The following PLCG2 variants were observed in gnomAD, a reference collection of about 807,000 sequenced individuals.
PLCG2 encodes the protein 1-phosphatidylinositol 4,5-bisphosphate phosphodiesterase gamma-2.
In PLCG2, 69 loss-of-function variants were observed where a neutral mutation model predicts 175.6. The observed-to-expected ratio is 0.39, with a 90% confidence interval of 0.32 to 0.48. The LOEUF (loss-of-function observed/expected upper bound fraction) is 0.48, where lower values mean the gene tolerates loss of function less well. Ranked by LOEUF, PLCG2 falls within the 20% of genes least tolerant of loss-of-function variation. The pLI is 0.91. For missense variants in PLCG2, 1,798 were observed against 1,650.9 expected, an observed-to-expected ratio of 1.09 and a Z score of -1.54; for synonymous variants, 827 against 624.0, an observed-to-expected ratio of 1.33 and a Z score of -4.85.
intron 7 of PLCG2, among the ~76,000 whole-genome samples, chr16:81,872,073 AAC>A (rs1191976383): frequency 6.6e-6 from 1 of 152,194 alleles, no homozygotes; most frequent in African/African-American, 2.4e-5. Flanking sequence ...TGACGCCTGT[AAC>A]CCCAGCACTT....
chr16:81,828,155 C>T (rs1350821277), intron 2 of PLCG2, among the ~76,000 whole-genome samples: 1 of 150,842 alleles, frequency 6.6e-6, no homozygotes, highest in South Asian at 2.1e-4. Flanking sequence ...TGATCTTCAC[C>T]TGACAAAACA....
chr16:81,772,003 A>T (rs1290308041), intron 2 of PLCG2, among the ~76,000 whole-genome samples: 6 of 152,074 alleles, frequency 3.9e-5, no homozygotes, highest in African/African-American at 1.4e-4. Flanking sequence ...GGCTGGTCTT[A>T]AACTCCTGGC....
At chr16:81,913,302 G>T (rs117704063) in intron 19 of PLCG2, among the ~76,000 whole-genome samples, 57 of 152,342 alleles carry the variant, frequency 3.7e-4, no homozygotes, top group Admixed American at 1.3e-3. Flanking sequence ...TCTTACGGTG[G>T]TAACAGTCTG....
chr16:81,840,260 C>T (rs1234958762), intron 2 of PLCG2, among the ~76,000 whole-genome samples: 1 of 152,182 alleles, frequency 6.6e-6, no homozygotes, highest in Non-Finnish European at 1.5e-5. Context: ...GCTGCCCACC[C>T]TGTCATGGCC....
At position 81,946,037 on chromosome 16, in the gene PLCG2, C is replaced by G. The variant is rs114951604; in HGVS notation, c.3482-138C>G. ...ATCAGGATAGGACCTCTGGCTTCCA[C>G]AAAGTCAGCCCCCAGCATGGGGCAC... On this transcript the variant is annotated intron_variant, in intron 30 of 32. Coordinates refer to ENST00000564138, the MANE Select transcript of PLCG2 (RefSeq NM_002661.5). 8.9e-4 allele frequency: 617 copies of G among 691,482 alleles called. 2 individuals are homozygous for G. In the African/African-American group the frequency reaches 0.01, roughly 12 times the overall value. The allele number at this position is 691,482 out of a possible 1,614,324, so 42.8% of individuals were successfully genotyped here.
chr16:81,808,575 C>T (rs968027316), intron 2 of PLCG2, among the ~76,000 whole-genome samples: 3 of 152,110 alleles, frequency 2.0e-5, no homozygotes, highest in African/African-American at 7.2e-5. Context: ...CTCGCTACAA[C>T]CTCCGCCTCC....
intron 1 of PLCG2, among the ~76,000 whole-genome samples, chr16:81,741,574 C>A (rs997326875): frequency 6.6e-6 from 1 of 152,294 alleles, no homozygotes; most frequent in Non-Finnish European, 1.5e-5. Context: ...CTTTGGGAGG[C>A]CAAGGCGGGC....
intron 2 of PLCG2, among the ~76,000 whole-genome samples, chr16:81,812,043 CTTTTT>C (rs539108021): frequency 1.0e-4 from 9 of 90,332 alleles, no homozygotes; most frequent in African/African-American, 3.7e-4. Context: ...TGTTTCCTGA[CTTTTT>C]TTTTTTTTTT....
intron 20 of PLCG2, 145 bp downstream of exon 20, chr16:81,919,809 A>G: frequency 1.5e-6 from 1 of 657,966 alleles, no homozygotes; most frequent in Non-Finnish European, 2.6e-6. Context: ...AGCACAACAA[A>G]GACCCTGCCG....
chr16:81,840,929 G>A (rs1277544446), intron 2 of PLCG2, among the ~76,000 whole-genome samples: 3 of 152,306 alleles, frequency 2.0e-5, no homozygotes, highest in South Asian at 4.1e-4. Context: ...TTCCTCCCTT[G>A]GGGATGGGGA....
In PLCG2 at chr16:81,908,598, C is replaced by T. The variant is rs762413291; in HGVS notation, c.1733+7C>T. 1.9e-6 allele frequency: 3 copies of T among 1,599,856 alleles called. No individual in the cohort carries two copies. The highest frequency in any genetic ancestry group is 1.3e-5 in the African/African-American group (1 of 74,656). ...ACTACACCCTGTCCTTCTGGTAATG[C>T]CCCCGACCCAGGGAACGCCTACCTT... On this transcript the variant is annotated splice_region_variant and intron_variant, in intron 17 of 32. Coordinates refer to ENST00000564138, the MANE Select transcript of PLCG2 (RefSeq NM_002661.5).
At chr16:81,906,081 T>C (rs1909356757) in intron 15 of PLCG2, 1 of 67,312 alleles carries the variant, frequency 1.5e-5, no homozygotes, top group Non-Finnish European at 3.5e-5. Context: ...CTCCAAATAT[T>C]ATTAATAACA....
intron 2 of PLCG2, among the ~76,000 whole-genome samples, chr16:81,850,563 GGC>G (rs1436441695): frequency 1.3e-5 from 2 of 152,112 alleles, no homozygotes; most frequent in Admixed American, 1.3e-4. Flanking sequence ...TCCCAGACAA[GGC>G]TTTATTGGAG....
At position 81,905,232 on chromosome 16, in the gene PLCG2, C is replaced by T. The variant is rs1406879735; in HGVS notation, c.1363-171C>T. 5.3e-5 allele frequency among the ~76,000 whole-genome samples: 8 copies of T among 152,220 alleles called. No individual in the cohort carries two copies. In the East Asian group the frequency reaches 1.2e-3, roughly 22 times the overall value. On this transcript the variant is annotated intron_variant, in intron 14 of 32. Transcript: ENST00000564138. Reference sequence around the variant, plus strand: ...GAAGCTGTAAGGAAAGCTCCTCCTCCTCGTTCAGGGTAACCTGGAGGGCAG... The same window carrying T: ...GAAGCTGTAAGGAAAGCTCCTCCTCTTCGTTCAGGGTAACCTGGAGGGCAG...
At chr16:81,946,345 A>C in intron 31 of PLCG2, 82 bp downstream of exon 31, 1 of 968,722 alleles carries the variant, frequency 1.0e-6, no homozygotes, top group South Asian at 1.3e-5. Context: ...TACAATTGGC[A>C]GATGGACTTA....
At chr16:81,753,481 G>T (rs1909856742) in intron 1 of PLCG2, among the ~76,000 whole-genome samples, 1 of 148,172 alleles carries the variant, frequency 6.7e-6, no homozygotes. Context: ...TGCAGTAGTT[G>T]TATCTTGGCT....
chr16:81,847,329 T>C (rs1304504391), intron 2 of PLCG2, among the ~76,000 whole-genome samples: 1 of 152,204 alleles, frequency 6.6e-6, no homozygotes, highest in East Asian at 1.9e-4. Flanking sequence ...AGCCCTGTCA[T>C]CCTGGGTTTT....
At chr16:81,926,218 C>T (rs1478191154) in intron 22 of PLCG2, among the ~76,000 whole-genome samples, 3 of 152,150 alleles carry the variant, frequency 2.0e-5, no homozygotes, top group African/African-American at 7.2e-5. Flanking sequence ...GTCTGGGAGT[C>T]CTGGGGTCAG....
intron 9 of PLCG2, 54 bp downstream of exon 9, chr16:81,883,395 G>T: frequency 6.9e-7 from 1 of 1,455,904 alleles, no homozygotes; most frequent in Middle Eastern, 1.8e-4. Context: ...TGCTGCTGGG[G>T]ACTAGTCTCA....
Sources: gnomAD v4.1 joint callset for allele counts (sites outside exome capture counted in the v4.1 genomes callset) on GRCh38, gnomAD v4.1.1 for gene constraint, MANE v1.5 for transcripts, NCBI Gene and HGNC (gene_info 2026-07-23, HGNC 2026-07-21) for gene names.